LRRC37A2: variants seen among roughly 807,000 people sequenced by gnomAD.
LRRC37A2 encodes leucine rich repeat containing 37 member A2, also known as leucine-rich repeat-containing protein 37A2.
A neutral mutation model predicts 68.8 loss-of-function variants in LRRC37A2; 9 were observed. The ratio of observed to expected loss-of-function variants is 0.13; its 90% CI spans 0.08 to 0.23. The LOEUF is 0.23. Among genes scored for constraint, LRRC37A2 ranks in the 10% least tolerant of loss-of-function variants. The pLI is 1.00. For missense variants in LRRC37A2, 168 were observed against 950.4 expected (o/e 0.18, Z 10.82); for synonymous variants, 63 against 367.6 (o/e 0.17, Z 9.48).
the LRRC37A2 span, chr17:46,966,732 A>T: frequency 8.5e-6 from 4 of 471,614 alleles, no homozygotes; most frequent in South Asian, 8.8e-5. Context: ...TGACTTGAGC[A>T]ATTTGTGCCT....
At chr17:46,976,566 C>CA in the LRRC37A2 span, among the ~76,000 whole-genome samples, 6 of 151,770 alleles carry the variant, frequency 4.0e-5, no homozygotes, top group African/African-American at 4.8e-5. Flanking sequence ...AACAAAAAAC[C>CA]AAAAAAACAA....
At chr17:46,569,219 A>G in the LRRC37A2 span, among the ~76,000 whole-genome samples, 1 of 151,686 alleles carries the variant, frequency 6.6e-6, no homozygotes, top group South Asian at 2.1e-4. Flanking sequence ...AAGTGCTGGG[A>G]TTACAGGTGT....
exon 10 of LRRC37A2, chr17:46,548,800 C>G: frequency 6.2e-7 from 1 of 1,611,964 alleles, no homozygotes; most frequent in Non-Finnish European, 8.5e-7. Context: ...CCACACACAG[C>G]AGGGGCCTGA....
At chr17:46,925,258 C>G in the LRRC37A2 span, among the ~76,000 whole-genome samples, 1 of 152,296 alleles carries the variant, frequency 6.6e-6, no homozygotes, top group African/African-American at 2.4e-5. Flanking sequence ...TACCTGTGTT[C>G]CAGTACAATT....
chr17:46,991,056 T>C, the LRRC37A2 span, among the ~76,000 whole-genome samples: 3 of 152,230 alleles, frequency 2.0e-5, no homozygotes, highest in East Asian at 1.9e-4. Flanking sequence ...TTTCAAATTA[T>C]GTTCCTGGTG....
the LRRC37A2 span, chr17:46,851,489 G>T: frequency 5.5e-6 from 2 of 363,448 alleles, no homozygotes; most frequent in Non-Finnish European, 9.5e-6. The surrounding 1 kb of genome is among the most constrained non-coding windows in gnomAD (Gnocchi z 4.3). Flanking sequence ...GGGGCTCGCC[G>T]CCCGGGGCTG....
At chr17:46,990,443 G>T in the LRRC37A2 span, among the ~76,000 whole-genome samples, 1 of 152,282 alleles carries the variant, frequency 6.6e-6, no homozygotes, top group African/African-American at 2.4e-5. Flanking sequence ...TGATGTTGTT[G>T]AAAGCTTTGT....
At chr17:46,894,706 C>G in the LRRC37A2 span, among the ~76,000 whole-genome samples, 2 of 152,212 alleles carry the variant, frequency 1.3e-5, no homozygotes, top group Non-Finnish European at 2.9e-5. Context: ...TGTGGAATGA[C>G]GAGCTCACTC....
At chr17:47,006,136 C>T in the LRRC37A2 span, among the ~76,000 whole-genome samples, 25 of 151,918 alleles carry the variant, frequency 1.6e-4, no homozygotes, top group Admixed American at 3.9e-4. Context: ...TGCACCATTG[C>T]ACTCCAGCTC....
the LRRC37A2 span, among the ~76,000 whole-genome samples, chr17:46,398,202 A>G: frequency 8.4e-6 from 1 of 119,006 alleles, no homozygotes; most frequent in African/African-American, 2.8e-5. Context: ...TTAGTGTGTT[A>G]TGAGGATTTT....
chr17:46,872,141 C>T, the LRRC37A2 span, among the ~76,000 whole-genome samples: 2 of 152,184 alleles, frequency 1.3e-5, no homozygotes, highest in African/African-American at 2.4e-5. Flanking sequence ...TGCCTAGGGA[C>T]TGTGGTAAAT....
chr17:46,843,663 A>G, the LRRC37A2 span, among the ~76,000 whole-genome samples: 1 of 152,232 alleles, frequency 6.6e-6, no homozygotes, highest in Non-Finnish European at 1.5e-5. Flanking sequence ...CTGGCCAGTT[A>G]CTTGACTTCT....
At chr17:46,893,953 G>T in the LRRC37A2 span, among the ~76,000 whole-genome samples, 5 of 152,138 alleles carry the variant, frequency 3.3e-5, no homozygotes, top group South Asian at 6.2e-4. Context: ...TGCTGAGCAC[G>T]GCAGGGTTAG....
chr17:46,780,037 G>A, the LRRC37A2 span, among the ~76,000 whole-genome samples: 15 of 152,226 alleles, frequency 9.9e-5, no homozygotes, highest in Admixed American at 7.2e-4. Context: ...GATTACAGGC[G>A]TAAGCCACCA....
the LRRC37A2 span, chr17:46,830,741 C>T: frequency 5.3e-5 from 21 of 398,440 alleles, no homozygotes; most frequent in South Asian, 1.3e-4. Context: ...GAGAGGGCCA[C>T]GGGTGTTCTA....
chr17:46,980,630 G>C, the LRRC37A2 span, among the ~76,000 whole-genome samples: 3 of 144,526 alleles, frequency 2.1e-5, no homozygotes, highest in Non-Finnish European at 4.5e-5. Context: ...AGACCATCCT[G>C]GCTAACACCG....
At chr17:46,898,789 T>C in the LRRC37A2 span, among the ~76,000 whole-genome samples, 1 of 152,210 alleles carries the variant, frequency 6.6e-6, no homozygotes, top group Non-Finnish European at 1.5e-5. Flanking sequence ...CCCTCATACA[T>C]TGAAACATTC....
At chr17:46,835,471 A>T in the LRRC37A2 span, among the ~76,000 whole-genome samples, 6 of 152,092 alleles carry the variant, frequency 3.9e-5, no homozygotes, top group African/African-American at 7.2e-5. Context: ...TCGGCCTCTC[A>T]AAGTGCTGGG....
At chr17:46,846,822 C>T in the LRRC37A2 span, among the ~76,000 whole-genome samples, 4 of 152,148 alleles carry the variant, frequency 2.6e-5, no homozygotes, top group African/African-American at 4.8e-5. Context: ...GAGAAGGCCT[C>T]GAACTGGAAG....
Sources: allele counts gnomAD v4.1 joint callset (sites outside exome capture counted in the v4.1 genomes callset), GRCh38; gene constraint gnomAD v4.1.1; non-coding constraint Gnocchi (gnomAD v3.1); transcripts MANE v1.5; gene names NCBI Gene and HGNC (gene_info 2026-07-23, HGNC 2026-07-21).